Variants in PTPRN2 observed in about 807,000 individuals in gnomAD.
The protein encoded by PTPRN2 is receptor-type tyrosine-protein phosphatase N2.
In PTPRN2, 74 loss-of-function variants were observed where a neutral mutation model predicts 118.8. The ratio of observed to expected loss-of-function variants is 0.62; its 90% confidence interval spans 0.52 to 0.76. The LOEUF is 0.76. Ranked by LOEUF, PTPRN2 falls within the 30% of genes least tolerant of loss-of-function variation. The pLI is 0.00. For missense variants in PTPRN2, 1,481 were observed against 1,394.4 expected (o/e 1.06, Z -0.99); for synonymous variants, 641 against 608.0 (o/e 1.05, Z -0.80).
At chr7:157,594,988 T>C (rs1801208587) in intron 17 of PTPRN2, among the ~76,000 whole-genome samples, 1 of 152,146 alleles carries the variant, frequency 6.6e-6, no homozygotes, top group African/African-American at 2.4e-5. Context: ...AAAATGCAAA[T>C]GTAAAGTGGC....
intron 12 of PTPRN2, among the ~76,000 whole-genome samples, chr7:157,789,861 G>A (rs1052262705): frequency 5.3e-5 from 8 of 150,252 alleles, no homozygotes; most frequent in Admixed American, 4.6e-4. Flanking sequence ...TGATGTGTAT[G>A]TGGTGTGTGT....
chr7:157,736,961 A>G (rs932172999), intron 12 of PTPRN2, among the ~76,000 whole-genome samples: 1 of 152,156 alleles, frequency 6.6e-6, no homozygotes, highest in Non-Finnish European at 1.5e-5. Context: ...TAAAGGGTAG[A>G]GTAAATGTGC....
intron 12 of PTPRN2, among the ~76,000 whole-genome samples, chr7:157,888,843 T>C (rs1028140696): frequency 6.6e-5 from 10 of 152,174 alleles, no homozygotes; most frequent in African/African-American, 2.4e-4. Flanking sequence ...ATTTTCTCTT[T>C]ATTTAGGTTG....
chr7:157,966,372 CCAT>C (rs1288706733), intron 11 of PTPRN2, among the ~76,000 whole-genome samples: 2 of 151,580 alleles, frequency 1.3e-5, no homozygotes, highest in African/African-American at 4.8e-5. Flanking sequence ...ATCTTCATCA[CCAT>C]CATTACCATC....
At chr7:157,847,115 C>G (rs1430143539) in intron 12 of PTPRN2, among the ~76,000 whole-genome samples, 1 of 139,818 alleles carries the variant, frequency 7.2e-6, no homozygotes, top group Non-Finnish European at 1.5e-5. Context: ...ATCATGTGTG[C>G]CCGATGTCTA....
intron 3 of PTPRN2, among the ~76,000 whole-genome samples, chr7:158,278,255 C>G (rs1799166036): frequency 6.6e-6 from 1 of 152,116 alleles, no homozygotes; most frequent in African/African-American, 2.4e-5. Flanking sequence ...CCACCACCTG[C>G]CAGGGGACCT....
At position 158,529,811 on chromosome 7, in the gene PTPRN2, A is replaced by T. The variant is rs116992646; in HGVS notation, c.113-40026T>A. ...TCCCCAGCCAGCATGAGTTCTCAGC[A>T]TCTCCTCTACACACATGGACAAACA... is the stretch of plus-strand genomic sequence containing the variant. On this transcript the variant is annotated intron_variant, in intron 1 of 22. Transcript: ENST00000389418. This position sits in a 1 kb window ranked among gnomAD's most constrained non-coding sequence, Gnocchi z 4.7. Among the ~76,000 whole-genome samples, 213 of 152,248 alleles carry T rather than the reference A, an allele frequency of 1.4e-3. 5 individuals are homozygous for T. In the East Asian group the frequency reaches 0.035, roughly 25 times the overall value.
At chr7:158,137,700 G>GA (rs1019464334) in intron 7 of PTPRN2, among the ~76,000 whole-genome samples, 1 of 152,202 alleles carries the variant, frequency 6.6e-6, no homozygotes, top group African/African-American at 2.4e-5. Context: ...CGTGCAGAGA[G>GA]AGGGGCACGT....
At chr7:158,354,584 A>C (rs1808245512) in intron 2 of PTPRN2, among the ~76,000 whole-genome samples, 1 of 152,242 alleles carries the variant, frequency 6.6e-6, no homozygotes, top group Non-Finnish European at 1.5e-5. Context: ...TCCCAACAGC[A>C]GAGTGGCTTA....
intron 17 of PTPRN2, among the ~76,000 whole-genome samples, chr7:157,593,553 G>A (rs750183099): frequency 3.9e-5 from 6 of 152,248 alleles, no homozygotes; most frequent in Non-Finnish European, 7.3e-5. Context: ...TTAGGACTCC[G>A]TGGGTATTCT....
chr7:157,644,203 T>C (rs1804881742), intron 14 of PTPRN2, among the ~76,000 whole-genome samples: 3 of 152,058 alleles, frequency 2.0e-5, no homozygotes, highest in Admixed American at 1.3e-4. Context: ...CCAATCTGAG[T>C]GAGGTCCTGA....
At chr7:157,730,787 C>T (rs899871482) in intron 12 of PTPRN2, among the ~76,000 whole-genome samples, 14 of 152,202 alleles carry the variant, frequency 9.2e-5, no homozygotes, top group African/African-American at 2.9e-4. Flanking sequence ...GGCCCCGGGG[C>T]TGCTCCCCGC....
intron 4 of PTPRN2, among the ~76,000 whole-genome samples, chr7:158,200,908 T>A (rs989618069): frequency 1.6e-4 from 25 of 152,320 alleles, no homozygotes; most frequent in African/African-American, 5.8e-4. Context: ...AGCAAATTAT[T>A]TATGTGATTT....
chr7:158,119,726 T>C lies in PTPRN2; in HGVS notation c.1557-8811A>G, dbSNP rs558272518. On this transcript the variant is annotated intron_variant, in intron 9 of 22. Coordinates refer to ENST00000389418, the MANE Select transcript of PTPRN2 (RefSeq NM_002847.5). ...TTAATCTCATACTCTAATTTATAAA[T>C]TAAACTTTATCATAGGTATGTATGT... Among the ~76,000 whole-genome samples the C allele has an allele frequency of 1.9e-3, 295 of 152,316 alleles. 1 individual carries two copies. Among genetic ancestry groups the C allele is most frequent in the Non-Finnish European group, 3.2e-3 (220 of 68,030 alleles).
At chr7:157,895,024 A>G (rs1797020024) in intron 12 of PTPRN2, among the ~76,000 whole-genome samples, 1 of 146,308 alleles carries the variant, frequency 6.8e-6, no homozygotes, top group East Asian at 2.0e-4. Flanking sequence ...CTAAAAAAAG[A>G]CTTCATCAAC....
At chr7:158,313,904 T>A (rs534318819) in intron 3 of PTPRN2, among the ~76,000 whole-genome samples, 1 of 152,304 alleles carries the variant, frequency 6.6e-6, no homozygotes, top group South Asian at 2.1e-4. Context: ...TTTCTATCCC[T>A]CCTTTTGAAA....
At chr7:158,576,987 A>G (rs1218265833) in intron 1 of PTPRN2, among the ~76,000 whole-genome samples, 19 of 118,758 alleles carry the variant, frequency 1.6e-4, no homozygotes, top group Admixed American at 8.4e-5. Context: ...CACAGACAGC[A>G]TGGGGCCTGC....
chr7:157,791,432 C>A (rs1293048697), intron 12 of PTPRN2, among the ~76,000 whole-genome samples: 1 of 152,262 alleles, frequency 6.6e-6, no homozygotes. Flanking sequence ...CTGGGCTTGG[C>A]TCTGAGGTCG....
At chr7:157,561,710 C>A (rs949205761) in intron 21 of PTPRN2, among the ~76,000 whole-genome samples, 1 of 152,260 alleles carries the variant, frequency 6.6e-6, no homozygotes, top group Non-Finnish European at 1.5e-5. Context: ...CCTCCTGAGC[C>A]CCAGGACAGC....
Sources: gnomAD v4.1 joint callset for allele counts (sites outside exome capture counted in the v4.1 genomes callset) on GRCh38, gnomAD v4.1.1 for gene constraint, Gnocchi (gnomAD v3.1) non-coding constraint, MANE v1.5 for transcripts, NCBI Gene and HGNC (gene_info 2026-07-23, HGNC 2026-07-21) for gene names.